The following SP100 variants were observed in gnomAD, a reference collection of about 807,000 sequenced individuals.
SP100 encodes the protein nuclear autoantigen Sp-100.
SP100 carries 84 observed loss-of-function variants against 130.0 expected under a neutral mutation model. The observed-to-expected ratio is 0.65, with a 90% confidence interval of 0.54 to 0.77. SP100 has a LOEUF of 0.77. Among genes scored for constraint, SP100 ranks in the 30% least tolerant of loss-of-function variants. SP100 has a pLI of 0.00. For synonymous variants in SP100, 331 were observed against 351.7 expected (o/e 0.94, Z 0.66); for missense variants, 978 against 1,052.2 (o/e 0.93, Z 0.97).
At chr2:230,503,021 T>C in intron 19 of SP100, 45 bp from the exon 20 acceptor site, 1 of 1,418,642 alleles carries the variant, frequency 7.0e-7, no homozygotes, top group Non-Finnish European at 9.8e-7. Context: ...AACACTACTA[T>C]TTGCAATGTA....
intron 2 of SP100, 44 bp downstream of exon 2, chr2:230,417,709 T>C (rs1256003523): frequency 6.3e-7 from 1 of 1,585,590 alleles, no homozygotes; most frequent in African/African-American, 1.3e-5. Flanking sequence ...TGTATTTTCC[T>C]TACGATGGGA....
intron 8 of SP100, among the ~76,000 whole-genome samples, chr2:230,450,578 TTC>T (rs777918342): frequency 6.6e-6 from 1 of 152,182 alleles, no homozygotes; most frequent in Non-Finnish European, 1.5e-5. Flanking sequence ...CTTAATGTAT[TTC>T]TCTTATTTAA....
At chr2:230,524,195 A>AAAAAAAAAAG (rs1559534582) in intron 24 of SP100, among the ~76,000 whole-genome samples, 39 of 143,148 alleles carry the variant, frequency 2.7e-4, no homozygotes, top group Non-Finnish European at 5.0e-4. Flanking sequence ...AAAAAAAAAA[A>AAAAAAAAAAG]AAAAAAGAAA....
intron 24 of SP100, chr2:230,538,582 T>G (rs999061743): frequency 1.3e-5 from 2 of 152,214 alleles, no homozygotes; most frequent in African/African-American, 4.8e-5. Flanking sequence ...TTTATGTGAC[T>G]TTAGTCTCTT....
intron 24 of SP100, among the ~76,000 whole-genome samples, chr2:230,519,514 A>G (rs1318219593): frequency 6.6e-6 from 1 of 152,202 alleles, no homozygotes; most frequent in Non-Finnish European, 1.5e-5. Context: ...CATTCCAAAA[A>G]TCTCTACCTA....
intron 2 of SP100, among the ~76,000 whole-genome samples, chr2:230,424,802 G>A (rs577640821): frequency 7.2e-5 from 11 of 152,148 alleles, no homozygotes; most frequent in South Asian, 4.2e-4. Context: ...TGTCAGGTCC[G>A]TGATGGGAGT....
At chr2:230,456,034 T>C (rs2064259431) in intron 8 of SP100, among the ~76,000 whole-genome samples, 1 of 152,186 alleles carries the variant, frequency 6.6e-6, no homozygotes, top group Non-Finnish European at 1.5e-5. Flanking sequence ...CTTATATTTT[T>C]ATATTATTAG....
intron 24 of SP100, among the ~76,000 whole-genome samples, chr2:230,513,550 T>C (rs1469417664): frequency 6.6e-6 from 1 of 152,174 alleles, no homozygotes; most frequent in African/African-American, 2.4e-5. Context: ...CATGGAAGTA[T>C]TGCTGATCAA....
In SP100 at chr2:230,434,409, A is replaced by G. The variant is rs367934187; in HGVS notation, c.108-8528A>G. On this transcript the variant is annotated intron_variant, in intron 2 of 28. Transcript: ENST00000340126. ...AAAAATTTTGCATTTATGAGCATCT[A>G]ATCAACAAATATTTATGGAACACCT... Among the ~76,000 whole-genome samples, 3 of 152,222 alleles carry G rather than the reference A, an allele frequency of 2.0e-5. No homozygotes were observed. The South Asian group carries it at 6.2e-4, about 31-fold the overall frequency.
intron 24 of SP100, among the ~76,000 whole-genome samples, chr2:230,524,273 T>C (rs1691317666): frequency 6.7e-6 from 1 of 148,846 alleles, no homozygotes; most frequent in Non-Finnish European, 1.5e-5. Context: ...GGAGAATCAG[T>C]TGAACCTGGG....
chr2:230,499,934 G>A (rs1222974410), intron 19 of SP100, among the ~76,000 whole-genome samples: 2 of 152,102 alleles, frequency 1.3e-5, no homozygotes, highest in Non-Finnish European at 2.9e-5. Flanking sequence ...GGTGGGGAAG[G>A]CTGATGCTGG....
intron 17 of SP100, among the ~76,000 whole-genome samples, chr2:230,484,081 T>C (rs1271569274): frequency 6.6e-6 from 1 of 152,188 alleles, no homozygotes; most frequent in African/African-American, 2.4e-5. Flanking sequence ...TAGACAACTC[T>C]TCAGCATTAC....
rs1337285412 is a variant in SP100 at position 230,544,143 on chromosome 2, C to G, written c.*1197C>G. On this transcript the variant is annotated 3_prime_UTR_variant, in exon 29 of 29. Coordinates refer to ENST00000340126, the MANE Select transcript of SP100 (RefSeq NM_001080391.2). ...CTTACACCATATACAAAAATCAACT[C>G]AAGATCAATTAAAGACTTAATGTAA... 1 of 152,124 alleles carries G rather than the reference C, an allele frequency of 6.6e-6. No homozygotes were observed. Among genetic ancestry groups the G allele is most frequent in the Non-Finnish European group, 1.5e-5 (1 of 68,022 alleles). 9.4% of individuals were successfully genotyped at this position (152,124 alleles called of 1,614,324 possible).
At chr2:230,498,923 A>G (rs1281926310) in intron 19 of SP100, among the ~76,000 whole-genome samples, 1 of 152,250 alleles carries the variant, frequency 6.6e-6, no homozygotes, top group Non-Finnish European at 1.5e-5. Context: ...GTCTGCCCCA[A>G]GTAAATTACA....
At chr2:230,531,592 TG>T (rs1691708005) in intron 24 of SP100, among the ~76,000 whole-genome samples, 1 of 152,040 alleles carries the variant, frequency 6.6e-6, no homozygotes, top group Non-Finnish European at 1.5e-5. Flanking sequence ...AGAAATACAT[TG>T]GCAGTTTGGC....
chr2:230,537,667 C>A (rs1287775577), intron 24 of SP100: 2 of 152,250 alleles, frequency 1.3e-5, no homozygotes, highest in Non-Finnish European at 2.9e-5. Flanking sequence ...GGGTTTTCAA[C>A]CTTGGCTGCA....
intron 8 of SP100, among the ~76,000 whole-genome samples, chr2:230,450,695 TAC>T (rs2063937178): frequency 6.6e-6 from 1 of 152,226 alleles, no homozygotes; most frequent in Non-Finnish European, 1.5e-5. Context: ...TCATCTTTTT[TAC>T]ACTCTACATA....
In SP100 at chr2:230,417,464, G is replaced by T; in HGVS notation, c.33-127G>T. 5 of 1,195,990 alleles carry T rather than the reference G, an allele frequency of 4.2e-6. No homozygotes were observed. In the South Asian group the frequency reaches 6.9e-5, roughly 17 times the overall value. The allele number at this position is 1,195,990 out of a possible 1,614,324, so 74.1% of individuals were successfully genotyped here. A position where few individuals can be genotyped will look rare whatever the true frequency, so the allele number is the denominator to read the frequency against. ...TTTACCAATAAGCTATCATAACAAT[G>T]ATTATATATTTCTTTTTGGGTTTTT... On this transcript the variant is annotated intron_variant, in intron 1 of 28. Coordinates refer to ENST00000340126, the MANE Select transcript of SP100 (RefSeq NM_001080391.2).
At chr2:230,485,058 T>G (rs1307920037) in intron 17 of SP100, among the ~76,000 whole-genome samples, 1 of 152,110 alleles carries the variant, frequency 6.6e-6, no homozygotes, top group Non-Finnish European at 1.5e-5. Flanking sequence ...GCCTCCCAAG[T>G]AGCTGGGATA....
Sources: allele counts gnomAD v4.1 joint callset (sites outside exome capture counted in the v4.1 genomes callset), GRCh38; gene constraint gnomAD v4.1.1; transcripts MANE v1.5; gene names NCBI Gene and HGNC (gene_info 2026-07-23, HGNC 2026-07-21).